SYN3: variants seen among roughly 807,000 people sequenced by gnomAD.
SYN3 encodes synapsin III, also known as synapsin-3.
In SYN3, 35 loss-of-function variants were observed where a neutral mutation model predicts 65.8. That is an observed-to-expected ratio of 0.53 (90% CI 0.41 to 0.70). The LOEUF is 0.70. SYN3 is among the 30% of genes least tolerant of loss of function. The probability of loss-of-function intolerance (pLI) is 0.00; values close to 1 mark genes in which losing one functional copy is unlikely to be tolerated. For missense variants in SYN3, 680 were observed against 749.0 expected (o/e 0.91, Z 1.08); for synonymous variants, 270 against 292.9 (o/e 0.92, Z 0.80).
At chr22:32,882,360 A>T (rs2049165007) in intron 4 of SYN3, among the ~76,000 whole-genome samples, 1 of 152,200 alleles carries the variant, frequency 6.6e-6, no homozygotes, top group Non-Finnish European at 1.5e-5. Context: ...TGTAGACAGG[A>T]GTCCTTAAAA....
At chr22:33,043,056 AT>A (rs1471033302) in intron 1 of SYN3, among the ~76,000 whole-genome samples, 1 of 152,220 alleles carries the variant, frequency 6.6e-6, no homozygotes, top group African/African-American at 2.4e-5. Flanking sequence ...AAGGACTAAC[AT>A]CAAAAAGAAA....
rs189882565 is a variant in SYN3 at position 32,965,819 on chromosome 22, C to T, written c.369+14826G>A. Among the ~76,000 whole-genome samples, 288 of 152,136 alleles carry T rather than the reference C, an allele frequency of 1.9e-3. 1 individual carries two copies. The highest frequency in any genetic ancestry group is 6.5e-3 in the African/African-American group (270 of 41,504). ...GCGCCATTCTCCTGCCTCAGCCTCC[C>T]GAGTAGCTGGGACTACAGGCGCCCG... On this transcript the variant is annotated intron_variant, in intron 3 of 13. Transcript: ENST00000358763.
At chr22:32,663,616 T>A (rs2060249373) in intron 6 of SYN3, among the ~76,000 whole-genome samples, 1 of 152,182 alleles carries the variant, frequency 6.6e-6, no homozygotes, top group Non-Finnish European at 1.5e-5. Flanking sequence ...TTTTTCTTTA[T>A]AAGTTACCCA....
intron 6 of SYN3, among the ~76,000 whole-genome samples, chr22:32,704,816 G>A (rs2060858346): frequency 6.6e-6 from 1 of 151,262 alleles, no homozygotes. Flanking sequence ...GATCAGTGAT[G>A]TTGAGCTTTT....
chr22:32,728,534 C>T (rs1321985247), intron 6 of SYN3, among the ~76,000 whole-genome samples: 1 of 152,172 alleles, frequency 6.6e-6, no homozygotes, highest in Non-Finnish European at 1.5e-5. Flanking sequence ...GAGAGGCTGA[C>T]CTTGACCATG....
chr22:32,625,640 G>C (rs906800271), intron 6 of SYN3, among the ~76,000 whole-genome samples: 5 of 152,144 alleles, frequency 3.3e-5, no homozygotes, highest in Admixed American at 2.0e-4. Flanking sequence ...GCTTATCACA[G>C]GGACAGTCAT....
intron 6 of SYN3, among the ~76,000 whole-genome samples, chr22:32,760,451 G>A (rs1023171175): frequency 1.3e-5 from 2 of 152,094 alleles, no homozygotes; most frequent in African/African-American, 2.4e-5. Context: ...ATGAGGAAAC[G>A]GGGCTCAGAG....
At chr22:32,771,825 G>C (rs2045779747) in intron 6 of SYN3, among the ~76,000 whole-genome samples, 1 of 152,144 alleles carries the variant, frequency 6.6e-6, no homozygotes, top group African/African-American at 2.4e-5. Context: ...TGACATTTGT[G>C]CTACAGTTTT....
intron 7 of SYN3, among the ~76,000 whole-genome samples, chr22:32,560,407 TG>T (rs2058570011): frequency 6.6e-6 from 1 of 152,034 alleles, no homozygotes; most frequent in Admixed American, 6.5e-5. Flanking sequence ...TAGGGATGAT[TG>T]GGGGGTCAGA....
At chr22:32,531,148 CAAAAAAAAAAAAAAAA>C (rs59432094) in intron 10 of SYN3, among the ~76,000 whole-genome samples, 2 of 26,148 alleles carry the variant, frequency 7.6e-5, no homozygotes, top group Admixed American at 6.1e-4. Flanking sequence ...GACCCCGTCT[CAAAAAAAAAAAAAAAA>C]AAAAAAAAAA....
At chr22:32,939,958 T>C (rs934407498) in intron 3 of SYN3, among the ~76,000 whole-genome samples, 1 of 152,206 alleles carries the variant, frequency 6.6e-6, no homozygotes, top group Non-Finnish European at 1.5e-5. Context: ...TTTGCCAATT[T>C]ACATACCGTT....
Position 32,528,018 on chromosome 22 carries a change from A to C in SYN3, c.1231-13T>G. Reference sequence around the variant, plus strand: ...TAATCTGTGGAGCCTAGAGCAGAAGAGAAAAGAAGCCTGTTGGTATCACCA... The same window carrying C: ...TAATCTGTGGAGCCTAGAGCAGAAGCGAAAAGAAGCCTGTTGGTATCACCA... On this transcript the variant is annotated splice_polypyrimidine_tract_variant and intron_variant, in intron 11 of 13. Coordinates refer to ENST00000358763, the MANE Select transcript of SYN3 (RefSeq NM_003490.4). 1 of 1,535,748 alleles carries C rather than the reference A, an allele frequency of 6.5e-7. No homozygotes were observed. The highest frequency in any genetic ancestry group is 8.8e-7 in the Non-Finnish European group (1 of 1,138,514).
chr22:33,033,906 C>T (rs1196115286), intron 1 of SYN3, among the ~76,000 whole-genome samples: 1 of 152,052 alleles, frequency 6.6e-6, no homozygotes, highest in Non-Finnish European at 1.5e-5. Flanking sequence ...CACAATTAGC[C>T]AGGCACGGTG....
chr22:32,707,308 C>T (rs923683297), intron 6 of SYN3, among the ~76,000 whole-genome samples: 5 of 152,170 alleles, frequency 3.3e-5, no homozygotes, highest in African/African-American at 9.6e-5. Flanking sequence ...ATAAGGGACT[C>T]ATGTTAGTGT....
At chr22:32,575,998 A>T (rs1435407096) in intron 7 of SYN3, among the ~76,000 whole-genome samples, 2 of 152,204 alleles carry the variant, frequency 1.3e-5, no homozygotes, top group Non-Finnish European at 2.9e-5. Flanking sequence ...GAAGAAATTT[A>T]AAAAAATAAA....
intron 6 of SYN3, among the ~76,000 whole-genome samples, chr22:32,647,454 T>TTTC (rs1373236075): frequency 6.6e-6 from 1 of 151,468 alleles, no homozygotes; most frequent in African/African-American, 2.4e-5. Context: ...TCTTTTTCTT[T>TTTC]TTTTTTTTTT....
At chr22:32,820,270 G>A (rs968706183) in intron 6 of SYN3, among the ~76,000 whole-genome samples, 4 of 109,276 alleles carry the variant, frequency 3.7e-5, no homozygotes, top group Non-Finnish European at 8.6e-5. Flanking sequence ...GTGCGTGCGC[G>A]TGTGTGTGTG....
chr22:32,603,450 G>A (rs749811043), intron 6 of SYN3, among the ~76,000 whole-genome samples: 5 of 151,472 alleles, frequency 3.3e-5, no homozygotes, highest in Non-Finnish European at 7.4e-5. Context: ...AATCCAGGAG[G>A]TGGAGCTTTC....
chr22:32,991,278 C>T (rs1482786765), intron 2 of SYN3, among the ~76,000 whole-genome samples: 3 of 151,212 alleles, frequency 2.0e-5, no homozygotes, highest in Non-Finnish European at 4.4e-5. Context: ...GCGGAGGTTG[C>T]AGTGAGCCAA....
Sources: allele counts gnomAD v4.1 joint callset (sites outside exome capture counted in the v4.1 genomes callset), GRCh38; gene constraint gnomAD v4.1.1; transcripts MANE v1.5; gene names NCBI Gene and HGNC (gene_info 2026-07-23, HGNC 2026-07-21).